PAX5: variants seen among roughly 807,000 people sequenced by gnomAD.
PAX5 encodes the protein paired box 5, also known as paired box protein Pax-5.
Under a neutral mutation model 43.7 loss-of-function variants are expected in PAX5, and 9 were observed. The ratio of observed to expected loss-of-function variants is 0.21; its 90% CI spans 0.12 to 0.36. PAX5 has a LOEUF of 0.36. PAX5 is among the 10% of genes least tolerant of loss of function. The pLI, the probability that PAX5 is intolerant of heterozygous loss-of-function variation, is 1.00. For synonymous variants in PAX5, 228 were observed against 214.3 expected, an observed-to-expected ratio of 1.06 and a Z score of -0.56; for missense variants, 383 against 532.7, an observed-to-expected ratio of 0.72 and a Z score of 2.77.
chr9:36,914,380 G>A (rs559952222), intron 7 of PAX5, among the ~76,000 whole-genome samples: 3 of 152,246 alleles, frequency 2.0e-5, no homozygotes, highest in Admixed American at 6.5e-5. Flanking sequence ...GTAAAATCAC[G>A]CTGGCAGGAT....
intron 1 of PAX5, among the ~76,000 whole-genome samples, chr9:37,023,011 G>A (rs1839984667): frequency 6.6e-6 from 1 of 152,132 alleles, no homozygotes; most frequent in Admixed American, 6.5e-5. Flanking sequence ...ACTTACTCTG[G>A]AATTGGTAAG....
chr9:36,973,806 G>C (rs1363729218), intron 5 of PAX5, among the ~76,000 whole-genome samples: 2 of 152,220 alleles, frequency 1.3e-5, no homozygotes, highest in African/African-American at 4.8e-5. Context: ...AGGAGTTCAA[G>C]ACCAGCCTGG....
At chr9:36,843,254 G>C (rs996989101) in intron 9 of PAX5, among the ~76,000 whole-genome samples, 1 of 152,170 alleles carries the variant, frequency 6.6e-6, no homozygotes, top group Admixed American at 6.5e-5. Context: ...CAGATGTCAC[G>C]AATAACCCAT....
chr9:36,862,739 C>T (rs1824344962), intron 8 of PAX5, among the ~76,000 whole-genome samples: 1 of 152,170 alleles, frequency 6.6e-6, no homozygotes, highest in Non-Finnish European at 1.5e-5. Context: ...TTTAAGGTGG[C>T]TCCTTACATG....
chr9:36,967,514 A>G (rs1834548177), intron 5 of PAX5, among the ~76,000 whole-genome samples: 1 of 152,368 alleles, frequency 6.6e-6, no homozygotes, highest in South Asian at 2.1e-4. Context: ...CTGAAAAGGA[A>G]TGAGGCTTCC....
chr9:36,881,980 G>A, intron 8 of PAX5, 24 bp downstream of exon 8: 2 of 1,572,052 alleles, frequency 1.3e-6, no homozygotes, highest in Non-Finnish European at 1.7e-6. Flanking sequence ...GCCTGCTGTG[G>A]AGACGCCGAC....
At chr9:36,948,938 A>C (rs1040811875) in intron 6 of PAX5, among the ~76,000 whole-genome samples, 2 of 152,078 alleles carry the variant, frequency 1.3e-5, no homozygotes, top group African/African-American at 4.8e-5. Context: ...AACACTCCTT[A>C]ATAATAATAA....
intron 6 of PAX5, among the ~76,000 whole-genome samples, chr9:36,960,380 C>T (rs757325374): frequency 1.1e-4 from 17 of 152,152 alleles, no homozygotes; most frequent in African/African-American, 4.1e-4. Flanking sequence ...CCCTTGGACA[C>T]AGGAGCAGCC....
intron 8 of PAX5, among the ~76,000 whole-genome samples, chr9:36,855,409 C>T (rs547801088): frequency 1.3e-5 from 2 of 152,240 alleles, no homozygotes; most frequent in East Asian, 3.8e-4. Context: ...TTGAACAACA[C>T]TGGTCCAAGT....
intron 7 of PAX5, among the ~76,000 whole-genome samples, chr9:36,892,671 A>G (rs1267474293): frequency 1.3e-5 from 2 of 152,270 alleles, no homozygotes; most frequent in Non-Finnish European, 2.9e-5. Flanking sequence ...CTATGGAAAC[A>G]CACAGAAAAA....
intron 7 of PAX5, among the ~76,000 whole-genome samples, chr9:36,898,715 G>A (rs543544173): frequency 1.6e-4 from 25 of 152,274 alleles, no homozygotes; most frequent in African/African-American, 4.8e-4. Context: ...GGAGGCACCC[G>A]GCGTCTTGAT....
chr9:36,866,556 G>A (rs1456982218), intron 8 of PAX5, among the ~76,000 whole-genome samples: 1 of 152,190 alleles, frequency 6.6e-6, no homozygotes, highest in Non-Finnish European at 1.5e-5. Flanking sequence ...GGGTGAAGGT[G>A]GGGGTCTCGA....
At chr9:37,026,263 A>G (rs2132535049) in intron 1 of PAX5, among the ~76,000 whole-genome samples, 1 of 152,368 alleles carries the variant, frequency 6.6e-6, no homozygotes, top group African/African-American at 2.4e-5. Flanking sequence ...GTTCTCCGAA[A>G]GAGCTGAAAT....
chr9:36,945,266 TCA>T (rs1340718170), intron 6 of PAX5, among the ~76,000 whole-genome samples: 3 of 152,026 alleles, frequency 2.0e-5, no homozygotes, highest in African/African-American at 7.3e-5. Flanking sequence ...AAACAGGGTC[TCA>T]CACTCTCACC....
chr9:36,840,851 C>T (rs558573654), intron 9 of PAX5, among the ~76,000 whole-genome samples: 88 of 152,250 alleles, frequency 5.8e-4, no homozygotes, highest in African/African-American at 2.0e-3. Context: ...AGCTGGGGTC[C>T]GGAGCCTGGG....
In PAX5 at chr9:37,009,567, C is replaced by T. The variant is rs144889237; in HGVS notation, c.411-3030G>A. On this transcript the variant is annotated intron_variant, in intron 3 of 9. Transcript: ENST00000358127. ...CGAGGGCGGTGGGGGAGTAAAGATG[C>T]TCAATGGGTGCAAAAAAATAGAAAG... 9.4e-3 allele frequency among the ~76,000 whole-genome samples: 1,433 copies of T among 152,164 alleles called. 11 individuals carry two copies. The highest frequency in any genetic ancestry group is 0.027 in the South Asian group (130 of 4,816).
chr9:36,898,061 C>A (rs987096352), intron 7 of PAX5, among the ~76,000 whole-genome samples: 33 of 152,162 alleles, frequency 2.2e-4, no homozygotes, highest in African/African-American at 7.0e-4. Flanking sequence ...GGGAACCATG[C>A]CCCTTGCTCT....
intron 7 of PAX5, 23 bp downstream of exon 7, chr9:36,923,332 C>T (rs1161339713): frequency 5.0e-6 from 8 of 1,602,920 alleles, no homozygotes; most frequent in South Asian, 2.2e-5. Flanking sequence ...CTCACTCATC[C>T]CCCATGCCCC....
chr9:36,998,646 G>T (rs1222257846), intron 5 of PAX5, among the ~76,000 whole-genome samples: 1 of 152,112 alleles, frequency 6.6e-6, no homozygotes, highest in East Asian at 1.9e-4. Context: ...TTTTTTATTT[G>T]ATTTGATTTT....
Sources: gnomAD v4.1 joint callset for allele counts (sites outside exome capture counted in the v4.1 genomes callset) on GRCh38, gnomAD v4.1.1 for gene constraint, MANE v1.5 for transcripts, NCBI Gene and HGNC (gene_info 2026-07-23, HGNC 2026-07-21) for gene names.